The following RBFOX2 variants were observed in gnomAD, a reference collection of about 807,000 sequenced individuals.
RBFOX2 encodes the protein RNA binding protein fox-1 homolog 2.
Under a neutral mutation model 49.1 loss-of-function variants are expected in RBFOX2, and 10 were observed. That is an observed-to-expected ratio of 0.20 (90% CI 0.13 to 0.35). The LOEUF (loss-of-function observed/expected upper bound fraction) is 0.35, where lower values mean the gene tolerates loss of function less well. Among genes scored for constraint, RBFOX2 ranks in the 10% least tolerant of loss-of-function variants. RBFOX2 has a pLI of 1.00. For missense variants in RBFOX2, 323 were observed against 486.9 expected, an observed-to-expected ratio of 0.66 and a Z score of 3.17; for synonymous variants, 183 against 187.4, an observed-to-expected ratio of 0.98 and a Z score of 0.19.
chr22:35,739,001 G>A (rs866460474), exon 12 of RBFOX2: 1 of 152,666 alleles, frequency 6.6e-6, no homozygotes, highest in Non-Finnish European at 1.5e-5. Context: ...TTCTTAACGA[G>A]AAGGGAAGGG....
At chr22:35,838,498 C>T (rs1466934057) in intron 1 of RBFOX2, among the ~76,000 whole-genome samples, 2 of 151,984 alleles carry the variant, frequency 1.3e-5, no homozygotes, top group Admixed American at 1.3e-4. Flanking sequence ...GCATGCAGTC[C>T]CACAACTTGT....
chr22:35,816,854 A>T (rs929972201), intron 1 of RBFOX2, among the ~76,000 whole-genome samples: 1 of 152,236 alleles, frequency 6.6e-6, no homozygotes, highest in Non-Finnish European at 1.5e-5. Flanking sequence ...AACTACTTCC[A>T]TACAACCCAG....
intron 1 of RBFOX2, among the ~76,000 whole-genome samples, chr22:35,977,761 T>TATATATATATATATAC (rs1259422253): frequency 9.9e-5 from 9 of 90,928 alleles, no homozygotes; most frequent in Non-Finnish European, 1.3e-4. Flanking sequence ...TATATATATA[T>TATATATATATATATAC]ACATGCACAC....
At chr22:35,855,950 T>A (rs2042462514) in intron 1 of RBFOX2, among the ~76,000 whole-genome samples, 1 of 151,270 alleles carries the variant, frequency 6.6e-6, no homozygotes, top group African/African-American at 2.4e-5. Flanking sequence ...GAGGTTGCAG[T>A]GAGCTGAGAT....
chr22:35,916,333 G>A (rs2149548844), intron 1 of RBFOX2, among the ~76,000 whole-genome samples: 1 of 152,326 alleles, frequency 6.6e-6, no homozygotes, highest in South Asian at 2.1e-4. Context: ...TCAGGCTGGA[G>A]TGTAGTGGCA....
chr22:35,787,959 C>T (rs1230064633), intron 2 of RBFOX2, among the ~76,000 whole-genome samples: 3 of 152,190 alleles, frequency 2.0e-5, no homozygotes, highest in Non-Finnish European at 4.4e-5. Context: ...TATACATCTA[C>T]CCTTCAAACA....
chr22:35,958,959 C>CTATATATA lies in RBFOX2; in HGVS notation c.42+2596_42+2603dup, dbSNP rs71810155. ...ATTTTGCAGAAACAGATAGAGAAAA[C>CTATATATA]TATATATATATATATATTGTGTAAA... is the stretch of plus-strand genomic sequence containing the variant. On this transcript the variant is annotated intron_variant, in intron 1 of 5. Transcript: ENST00000408983. Among the ~76,000 whole-genome samples the CTATATATA allele has an allele frequency of 2.7e-4, 34 of 126,110 alleles. No homozygotes were observed. In the East Asian group the frequency reaches 7.8e-3, roughly 29 times the overall value. 82.7% of individuals were successfully genotyped at this position (126,110 alleles called of 152,430 possible).
intron 1 of RBFOX2, among the ~76,000 whole-genome samples, chr22:35,829,977 A>C (rs1015893587): frequency 6.6e-6 from 1 of 152,176 alleles, no homozygotes; most frequent in Non-Finnish European, 1.5e-5. Context: ...GTGTCCCTCA[A>C]ATAGTTGTTT....
At chr22:36,004,449 GCACTAGGTAACGTGCACTCAGCTA>G (rs1398534760) in intron 1 of RBFOX2, among the ~76,000 whole-genome samples, 1 of 152,052 alleles carries the variant, frequency 6.6e-6, no homozygotes, top group African/African-American at 2.4e-5. Flanking sequence ...TTGACACTTG[GCACTAGGTAACGTGCACTCAGCTA>G]CACTCATGGG....
At chr22:35,853,552 C>T (rs2042181025) in intron 1 of RBFOX2, among the ~76,000 whole-genome samples, 1 of 151,994 alleles carries the variant, frequency 6.6e-6, no homozygotes, top group Non-Finnish European at 1.5e-5. Flanking sequence ...TATGTATACA[C>T]ATATACGTAA....
chr22:35,792,830 G>T (rs777431221), intron 2 of RBFOX2, among the ~76,000 whole-genome samples: 2 of 152,140 alleles, frequency 1.3e-5, no homozygotes, highest in South Asian at 4.1e-4. Flanking sequence ...TACAAAGTTG[G>T]CCAGGATACT....
At chr22:36,028,402 A>T in exon 1 of RBFOX2, 2 of 1,246,886 alleles carry the variant, frequency 1.6e-6, no homozygotes, top group South Asian at 3.4e-5. Context: ...GAGGCGGCTG[A>T]TGCGGCTGGG....
intron 1 of RBFOX2, among the ~76,000 whole-genome samples, chr22:35,816,785 G>T (rs1287677272): frequency 6.6e-6 from 1 of 152,060 alleles, no homozygotes; most frequent in African/African-American, 2.4e-5. Flanking sequence ...TCTAATTTCG[G>T]GTAAGGAGTT....
At chr22:35,943,932 T>C (rs554837820) in intron 1 of RBFOX2, among the ~76,000 whole-genome samples, 1 of 152,326 alleles carries the variant, frequency 6.6e-6, no homozygotes, top group Non-Finnish European at 1.5e-5. Context: ...CAATGGACTG[T>C]GAATGTACAG....
At chr22:35,992,273 G>C (rs1250585951) in intron 1 of RBFOX2, 1 of 152,028 alleles carries the variant, frequency 6.6e-6, no homozygotes, top group Admixed American at 6.6e-5. Context: ...TCTGCTTAGA[G>C]AGACAACAGA....
intron 1 of RBFOX2, among the ~76,000 whole-genome samples, chr22:35,832,863 A>T (rs970077542): frequency 1.3e-5 from 2 of 152,096 alleles, no homozygotes; most frequent in Non-Finnish European, 2.9e-5. Flanking sequence ...GAAGAAGAAG[A>T]AGTTCTAATA....
chr22:35,744,624 A>G (rs1367826703), intron 11 of RBFOX2, among the ~76,000 whole-genome samples: 1 of 152,208 alleles, frequency 6.6e-6, no homozygotes, highest in African/African-American at 2.4e-5. Flanking sequence ...TGGAAAACAG[A>G]TCACCAGTTT....
chr22:35,983,567 C>T (rs1264174315), intron 1 of RBFOX2, among the ~76,000 whole-genome samples: 1 of 152,048 alleles, frequency 6.6e-6, no homozygotes, highest in East Asian at 1.9e-4. Flanking sequence ...TCAGAAATAA[C>T]ATCATATCAC....
intron 2 of RBFOX2, among the ~76,000 whole-genome samples, chr22:35,792,315 C>CAAAAAAAAAAAAAAAAAAAA (rs1187704252): frequency 5.5e-5 from 2 of 36,414 alleles, no homozygotes; most frequent in African/African-American, 9.6e-5. Context: ...AACTCCGTCT[C>CAAAAAAAAAAAAAAAAAAAA]AAAAAAAAAA....
Sources: gnomAD v4.1 joint callset for allele counts (sites outside exome capture counted in the v4.1 genomes callset) on GRCh38, gnomAD v4.1.1 for gene constraint, MANE v1.5 for transcripts, NCBI Gene and HGNC (gene_info 2026-07-23, HGNC 2026-07-21) for gene names.